Variants in ASZ1 observed in about 807,000 individuals in gnomAD.
ASZ1 encodes ankyrin repeat, SAM and basic leucine zipper domain containing 1, also known as ankyrin repeat, SAM and basic leucine zipper domain-containing protein 1.
ASZ1 carries 67 observed loss-of-function variants against 61.8 expected under a neutral mutation model. The ratio of observed to expected loss-of-function variants is 1.08; its 90% CI spans 0.89 to 1.33. The LOEUF (loss-of-function observed/expected upper bound fraction) is 1.33, where lower values mean the gene tolerates loss of function less well. Among genes scored for constraint, ASZ1 ranks in the 40% most tolerant of loss-of-function variants. The pLI is 0.00. For missense variants in ASZ1, 577 were observed against 554.5 expected (o/e 1.04, Z -0.41); for synonymous variants, 193 against 192.7 (o/e 1.00, Z -0.01).
chr7:117,380,024 C>T lies in ASZ1; in HGVS notation c.969G>A (p.Gln323=). 2 of 1,595,322 alleles carry T rather than the reference C, an allele frequency of 1.3e-6. No individual in the cohort carries two copies. Among genetic ancestry groups the T allele is most frequent in the Non-Finnish European group, 1.7e-6 (2 of 1,167,260 alleles). ...FTKNGITSKD[Q]QKILAALKEL... is the part of the protein sequence containing the mutation. ...CTTTAAGAGCAGCCAGAATTTTCTG[C>T]TGGTCTTTACTGGTAATTCCATTCT... The change falls in exon 10 of 13, where the codon CAG becomes CAA. Residue 323 remains glutamine, a synonymous_variant. Coordinates refer to ENST00000284629, the MANE Select transcript of ASZ1 (RefSeq NM_130768.3).
chr7:117,380,002 T>G lies in ASZ1; in HGVS notation c.991A>C (p.Lys331Gln). ...TGTATCTCTTCTACCTGTAGTTCTT[T>G]AAGAGCAGCCAGAATTTTCTGCTGG... is the stretch of plus-strand genomic sequence containing the variant. ...KDQQKILAALKELQVEEIQFG... is the reference protein window; with the variant it reads ...KDQQKILAALQELQVEEIQFG... The change falls in exon 10 of 13, where the codon AAA (lysine) becomes CAA (glutamine). Residue 331 changes from lysine (K) to glutamine (Q), a missense_variant. Physicochemically the swap from Lys to Gln is moderately conservative, Grantham distance 53. Transcript: ENST00000284629. 6.2e-7 allele frequency: 1 copy of G among 1,607,544 alleles called. No individual in the cohort carries two copies. The highest frequency in any genetic ancestry group is 8.5e-7 in the Non-Finnish European group (1 of 1,176,882).
chr7:117,423,627 C>T (rs554924072), intron 2 of ASZ1, among the ~76,000 whole-genome samples: 55 of 144,978 alleles, frequency 3.8e-4, no homozygotes, highest in African/African-American at 1.2e-3. Flanking sequence ...GGGTGGATCA[C>T]GAGGTCAGGT....
At chr7:117,423,740 T>C (rs963389134) in intron 2 of ASZ1, among the ~76,000 whole-genome samples, 8 of 148,938 alleles carry the variant, frequency 5.4e-5, no homozygotes, top group African/African-American at 2.0e-4. Context: ...TGGGTGCCTG[T>C]AGTCTCAGCT....
chr7:117,412,002 T>G (rs1796903167), intron 4 of ASZ1, among the ~76,000 whole-genome samples: 1 of 151,568 alleles, frequency 6.6e-6, no homozygotes, highest in Non-Finnish European at 1.5e-5. Context: ...AAACTTATTA[T>G]GTACTGACAA....
intron 3 of ASZ1, among the ~76,000 whole-genome samples, chr7:117,421,221 AT>A (rs918536511): frequency 6.6e-6 from 1 of 151,616 alleles, no homozygotes; most frequent in African/African-American, 2.4e-5. Context: ...TCATTGAGTA[AT>A]TTTTTTTTGA....
At position 117,382,999 on chromosome 7, in the gene ASZ1, C is replaced by G. The variant is rs1466789937; in HGVS notation, c.799G>C (p.Asp267His). 6.4e-7 allele frequency: 1 copy of G among 1,570,604 alleles called. No homozygotes were observed. Among genetic ancestry groups the G allele is most frequent in the East Asian group, 2.4e-5 (1 of 42,434 alleles). The stretch of plus-strand genomic sequence containing the variant: ...ATGCTATATTACCTAAAAATGTGAT[C>G]TTTTTCTCTATCAGAATCTGTTGTC... ...ILTTDSDREK[D>H]HIFSSYTAFG... The change falls in exon 7 of 13, where the codon GAT (aspartate) becomes CAT (histidine). Residue 267 changes from aspartate to histidine, a missense_variant. By Grantham distance (81) the Asp-to-His change is moderately conservative. Coordinates refer to ENST00000284629, the MANE Select transcript of ASZ1 (RefSeq NM_130768.3).
At chr7:117,379,148 TATATATATATATATATATATAC>T (rs1176068097) in intron 10 of ASZ1, among the ~76,000 whole-genome samples, 7 of 98,178 alleles carry the variant, frequency 7.1e-5, no homozygotes, top group Non-Finnish European at 1.3e-4. Context: ...TATATATATA[TATATATATATATATATATATAC>T]ACACACACAC....
At chr7:117,409,950 A>C (rs1796860111) in intron 4 of ASZ1, among the ~76,000 whole-genome samples, 1 of 151,756 alleles carries the variant, frequency 6.6e-6, no homozygotes, top group African/African-American at 2.4e-5. Context: ...GAACATGCAA[A>C]ATTTTCATTA....
chr7:117,367,752 A>G, intron 11 of ASZ1: 2 of 963,044 alleles, frequency 2.1e-6, no homozygotes, highest in South Asian at 9.8e-5. Flanking sequence ...GGTTTTAAAA[A>G]TGATGATTCT....
rs142284017 is a variant in ASZ1, at chr7:117,426,935, T to C, written c.106A>G (p.Lys36Glu). Residue 36 changes from lysine to glutamate, a missense_variant and splice_region_variant, in exon 2 of 13, where the codon AAA (lysine) becomes GAA (glutamate). Coordinates refer to ENST00000284629, the MANE Select transcript of ASZ1 (RefSeq NM_130768.3). ...EIGYLDRTSQKLKRLLPIEEK... is the reference protein window; with the variant it reads ...EIGYLDRTSQELKRLLPIEEK... Reference sequence around the variant, plus strand: ...TCAATGGGTAATAGCCTTTTCAATTTCTAGAAAAGTAAACATTTTAAAAAA... The same window carrying C: ...TCAATGGGTAATAGCCTTTTCAATTCCTAGAAAAGTAAACATTTTAAAAAA... 2.2e-4 allele frequency: 346 copies of C among 1,585,828 alleles called. No individual in the cohort carries two copies. The highest frequency in any genetic ancestry group is 2.7e-4 in the Non-Finnish European group (322 of 1,171,758).
At chr7:117,409,778 G>A (rs1796857859) in intron 4 of ASZ1, among the ~76,000 whole-genome samples, 1 of 151,660 alleles carries the variant, frequency 6.6e-6, no homozygotes, top group Non-Finnish European at 1.5e-5. Context: ...CTCCATAAAA[G>A]ATTAAAAAGA....
At chr7:117,382,018 C>T in intron 8 of ASZ1, 51 bp downstream of exon 8, 1 of 1,180,488 alleles carries the variant, frequency 8.5e-7, no homozygotes, top group Non-Finnish European at 1.3e-6. Context: ...TTATATTAAC[C>T]AACAAATTAA....
chr7:117,394,255 C>A (rs911971645), intron 4 of ASZ1, among the ~76,000 whole-genome samples: 10 of 152,102 alleles, frequency 6.6e-5, no homozygotes, highest in African/African-American at 2.4e-4. Context: ...CAGGTATGCA[C>A]CACCATGCCT....
chr7:117,363,652 T>C lies in ASZ1; in HGVS notation c.1372A>G (p.Ile458Val), dbSNP rs755348825. The change falls in exon 13 of 13, where the codon ATA becomes GTA. Residue 458 changes from isoleucine (I) to valine (V), a missense_variant. Coordinates refer to ENST00000284629, the MANE Select transcript of ASZ1 (RefSeq NM_130768.3). ...SRILKRTAIT[I>V]CGFGFLLFIC... ...AAAAGAAGAAAACCGAATCCGCATA[T>C]GGTAATAGCTGTCCTCTTCAAAATT... 1.9e-6 allele frequency: 3 copies of C among 1,608,852 alleles called. No homozygotes were observed. Among genetic ancestry groups the C allele is most frequent in the Non-Finnish European group, 2.5e-6 (3 of 1,177,818 alleles).
intron 4 of ASZ1, among the ~76,000 whole-genome samples, chr7:117,415,117 A>T (rs1039916395): frequency 6.6e-6 from 1 of 152,170 alleles, no homozygotes; most frequent in African/African-American, 2.4e-5. Flanking sequence ...ACAGTATAAA[A>T]GCATTCCTAT....
chr7:117,403,199 G>A (rs77243269), intron 4 of ASZ1, among the ~76,000 whole-genome samples: 3,199 of 152,090 alleles, frequency 0.021, 114 homozygotes, highest in African/African-American at 0.073. Context: ...AAAACGTTAC[G>A]TACCAAGCAC....
chr7:117,427,242 G>A, intron 1 of ASZ1, 114 bp downstream of exon 1: 1 of 1,220,828 alleles, frequency 8.2e-7, no homozygotes, highest in African/African-American at 1.5e-5. Flanking sequence ...ATTTCCACTG[G>A]GTAAAAGGGA....
intron 4 of ASZ1, among the ~76,000 whole-genome samples, chr7:117,418,845 C>T (rs373563820): frequency 1.2e-4 from 18 of 151,646 alleles, no homozygotes; most frequent in African/African-American, 4.1e-4. Context: ...CCTGTAGTCC[C>T]AGCTACTCTG....
chr7:117,425,075 G>C (rs1349027430), intron 2 of ASZ1, among the ~76,000 whole-genome samples: 1 of 152,010 alleles, frequency 6.6e-6, no homozygotes, highest in African/African-American at 2.4e-5. Flanking sequence ...GATCTGTCTT[G>C]TTTTCAAAAT....
Sources: gnomAD v4.1 joint callset for allele counts (sites outside exome capture counted in the v4.1 genomes callset) on GRCh38, gnomAD v4.1.1 for gene constraint, MANE v1.5 for transcripts, NCBI Gene and HGNC (gene_info 2026-07-23, HGNC 2026-07-21) for gene names.